TTC29: variants seen among roughly 807,000 people sequenced by gnomAD.
TTC29 encodes the protein tetratricopeptide repeat protein 29.
TTC29 carries 49 observed loss-of-function variants against 58.1 expected under a neutral mutation model. That is an observed-to-expected ratio of 0.84 (90% CI 0.67 to 1.07). TTC29 has a LOEUF of 1.07. Among genes scored for constraint, TTC29 ranks in the 50% least tolerant of loss-of-function variants. TTC29 has a pLI of 0.00. For missense variants in TTC29, 582 were observed against 555.6 expected (o/e 1.05, Z -0.48); for synonymous variants, 209 against 196.8 (o/e 1.06, Z -0.52).
intron 4 of TTC29, chr4:146,934,277 A>G (rs943648551): frequency 1.3e-5 from 2 of 152,236 alleles, no homozygotes; most frequent in African/African-American, 4.8e-5. Flanking sequence ...CACGGGATAC[A>G]TTTTGGAGTT....
chr4:146,912,145 A>G (rs561620605), intron 4 of TTC29, among the ~76,000 whole-genome samples: 3 of 152,144 alleles, frequency 2.0e-5, no homozygotes, highest in African/African-American at 7.2e-5. Context: ...CCTTTTTAAG[A>G]AAGTTTATGA....
At chr4:146,733,038 T>A (rs1744455671) in intron 11 of TTC29, among the ~76,000 whole-genome samples, 1 of 152,006 alleles carries the variant, frequency 6.6e-6, no homozygotes, top group African/African-American at 2.4e-5. Context: ...AGAAAGGTGG[T>A]GGATTTTGCC....
At chr4:146,886,114 A>G (rs1257401736) in intron 6 of TTC29, among the ~76,000 whole-genome samples, 1 of 152,062 alleles carries the variant, frequency 6.6e-6, no homozygotes, top group Non-Finnish European at 1.5e-5. Flanking sequence ...CTCCTGCCCT[A>G]TATCTGAATA....
At chr4:146,764,661 T>A (rs1747156036) in intron 11 of TTC29, among the ~76,000 whole-genome samples, 1 of 152,138 alleles carries the variant, frequency 6.6e-6, no homozygotes, top group South Asian at 2.1e-4. Context: ...TATCATTTGC[T>A]TCTATTTCAT....
chr4:146,906,804 C>G (rs765533358), intron 5 of TTC29, among the ~76,000 whole-genome samples: 1 of 152,292 alleles, frequency 6.6e-6, no homozygotes, highest in Middle Eastern at 3.4e-3. Context: ...GATAATCCTA[C>G]AGAAGAGACT....
intron 8 of TTC29, among the ~76,000 whole-genome samples, chr4:146,860,310 AT>A (rs1245377304): frequency 1.3e-5 from 2 of 152,198 alleles, no homozygotes; most frequent in Non-Finnish European, 2.9e-5. Context: ...CTTTGCTTAC[AT>A]TTATTGAGTT....
chr4:146,802,416 T>A (rs763062062), intron 11 of TTC29, among the ~76,000 whole-genome samples: 37 of 152,328 alleles, frequency 2.4e-4, no homozygotes, highest in Admixed American at 1.0e-3. Context: ...AAGCTGCCAA[T>A]TTTTTGAAGA....
intron 10 of TTC29, among the ~76,000 whole-genome samples, chr4:146,809,128 CA>C (rs1750833393): frequency 6.7e-6 from 1 of 149,868 alleles, no homozygotes; most frequent in African/African-American, 2.4e-5. Context: ...CAAAAACAAG[CA>C]ATGGGGAAAG....
At chr4:146,826,511 ACCTGG>A (rs1310715289) in intron 9 of TTC29, among the ~76,000 whole-genome samples, 1 of 152,114 alleles carries the variant, frequency 6.6e-6, no homozygotes, top group African/African-American at 2.4e-5. Flanking sequence ...TTTGTAGGTG[ACCTGG>A]CCTTTCTTTC....
chr4:146,875,380 G>T (rs1477660930), intron 6 of TTC29, among the ~76,000 whole-genome samples: 2 of 152,186 alleles, frequency 1.3e-5, no homozygotes, highest in Admixed American at 6.5e-5. Context: ...GTAAGGTTAA[G>T]AATTTTGCTC....
At chr4:146,820,387 T>A in intron 9 of TTC29, 139 bp from the exon 10 acceptor site, 1 of 988,882 alleles carries the variant, frequency 1.0e-6, no homozygotes, top group Non-Finnish European at 1.4e-6. Flanking sequence ...AATACCAAAT[T>A]AAAATATATG....
chr4:146,820,321 T>A (rs1027703521), intron 9 of TTC29, 73 bp from the exon 10 acceptor site: 8 of 1,493,676 alleles, frequency 5.4e-6, no homozygotes, highest in African/African-American at 2.8e-5. Context: ...AAGTATCTTG[T>A]GTCTTTGCTG....
chr4:146,936,343 G>A (rs1170058239), intron 4 of TTC29, among the ~76,000 whole-genome samples: 1 of 152,090 alleles, frequency 6.6e-6, no homozygotes, highest in Admixed American at 6.6e-5. Context: ...ATTATGTGTA[G>A]CATGTTTAGT....
At chr4:146,756,757 T>C (rs2884146) in intron 11 of TTC29, among the ~76,000 whole-genome samples, 115 of 152,030 alleles carry the variant, frequency 7.6e-4, no homozygotes, top group African/African-American at 2.7e-3. Flanking sequence ...TTTGTTGGGT[T>C]GGGCTAATTC....
In TTC29 at chr4:146,748,791, C is replaced by A. The variant is rs564308994; in HGVS notation, c.1331-41240G>T. Among the ~76,000 whole-genome samples the A allele has an allele frequency of 1.2e-3, 182 of 152,182 alleles. 3 individuals carry two copies. Among genetic ancestry groups the A allele is most frequent in the African/African-American group, 3.7e-3 (154 of 41,520 alleles). On this transcript the variant is annotated intron_variant, in intron 11 of 12. Transcript: ENST00000325106. ...TTCTGTGAAATTTAGAAGAGGTGAC[C>A]AAATGTGCAGACATCAATGCAGGGA...
At chr4:146,858,293 C>T (rs1175235658) in intron 8 of TTC29, among the ~76,000 whole-genome samples, 1 of 152,188 alleles carries the variant, frequency 6.6e-6, no homozygotes, top group Non-Finnish European at 1.5e-5. Flanking sequence ...CCATGTCTTC[C>T]AGCTCCAAGG....
intron 10 of TTC29, among the ~76,000 whole-genome samples, chr4:146,810,549 G>A (rs1750944994): frequency 6.6e-6 from 1 of 150,846 alleles, no homozygotes; most frequent in Non-Finnish European, 1.5e-5. Context: ...ACTATTCGTA[G>A]AGTTGGATTT....
chr4:146,779,130 T>G (rs1195783496), intron 11 of TTC29, among the ~76,000 whole-genome samples: 2 of 152,004 alleles, frequency 1.3e-5, no homozygotes, highest in Non-Finnish European at 2.9e-5. Flanking sequence ...TAGAATTCCC[T>G]TAAAAATAAT....
intron 6 of TTC29, among the ~76,000 whole-genome samples, chr4:146,887,508 G>A (rs1030743303): frequency 6.6e-6 from 1 of 152,062 alleles, no homozygotes; most frequent in African/African-American, 2.4e-5. Flanking sequence ...TAGGAGCTCT[G>A]GATTCAAGTC....
Sources: gnomAD v4.1 joint callset for allele counts (sites outside exome capture counted in the v4.1 genomes callset) on GRCh38, gnomAD v4.1.1 for gene constraint, MANE v1.5 for transcripts, NCBI Gene and HGNC (gene_info 2026-07-23, HGNC 2026-07-21) for gene names.